The following SNX4 variants were observed in gnomAD, a reference collection of about 807,000 sequenced individuals.
The protein encoded by SNX4 is sorting nexin-4.
A neutral mutation model predicts 70.8 loss-of-function variants in SNX4; 49 were observed. That is an observed-to-expected ratio of 0.69 (90% CI 0.55 to 0.88). The LOEUF is 0.88. Ranked by LOEUF, SNX4 falls within the 40% of genes least tolerant of loss-of-function variation. The probability of loss-of-function intolerance (pLI) is 0.00; values close to 1 mark genes in which losing one functional copy is unlikely to be tolerated. For synonymous variants in SNX4, 206 were observed against 183.8 expected (o/e 1.12, Z -0.98); for missense variants, 528 against 544.8 (o/e 0.97, Z 0.31).
At chr3:125,454,838 AT>A (rs979548077) in intron 11 of SNX4, among the ~76,000 whole-genome samples, 6 of 152,202 alleles carry the variant, frequency 3.9e-5, no homozygotes, top group African/African-American at 1.4e-4. Flanking sequence ...ATGAGTTTTT[AT>A]TTATTTTTAC....
chr3:125,447,626 A>T lies in SNX4; in HGVS notation c.*153T>A. 1.9e-6 allele frequency: 1 copy of T among 538,194 alleles called. No individual in the cohort carries two copies. 33.3% of individuals were successfully genotyped at this position (538,194 alleles called of 1,614,324 possible). On this transcript the variant is annotated 3_prime_UTR_variant, in exon 14 of 14. Coordinates refer to ENST00000251775, the MANE Select transcript of SNX4 (RefSeq NM_003794.4). Reference sequence around the variant, plus strand: ...TTCATTAAAATATATTTTTTGTGCTACATTAACACGACCACAATTAAGTTA... The same window carrying T: ...TTCATTAAAATATATTTTTTGTGCTTCATTAACACGACCACAATTAAGTTA...
chr3:125,493,194 C>T (rs1934700155), intron 5 of SNX4, among the ~76,000 whole-genome samples: 1 of 152,102 alleles, frequency 6.6e-6, no homozygotes, highest in African/African-American at 2.4e-5. Flanking sequence ...AGTGATCCTC[C>T]TGCCTCAGCT....
At chr3:125,451,224 T>A (rs971638472) in intron 13 of SNX4, 81 bp downstream of exon 13, 19 of 712,066 alleles carry the variant, frequency 2.7e-5, no homozygotes, top group African/African-American at 7.3e-5. Context: ...AAATGAAAAA[T>A]TTTTTGGTCA....
chr3:125,451,537 G>A, intron 12 of SNX4, 118 bp from the exon 13 acceptor site: 1 of 651,010 alleles, frequency 1.5e-6, no homozygotes, highest in East Asian at 2.7e-5. Flanking sequence ...AAGAGTTATT[G>A]CTTGTATAAG....
chr3:125,492,023 G>A (rs1330748224), intron 5 of SNX4, among the ~76,000 whole-genome samples: 1 of 143,744 alleles, frequency 7.0e-6, no homozygotes, highest in Admixed American at 7.3e-5. Context: ...CAGGAGAATC[G>A]CTTGAACCCG....
At chr3:125,470,643 G>T (rs1338343372) in intron 8 of SNX4, among the ~76,000 whole-genome samples, 5 of 151,756 alleles carry the variant, frequency 3.3e-5, no homozygotes, top group African/African-American at 1.2e-4. Context: ...TTAAAAAAAA[G>T]AAAAGACTCC....
chr3:125,518,686 G>A (rs1218891109), intron 1 of SNX4, among the ~76,000 whole-genome samples: 3 of 152,166 alleles, frequency 2.0e-5, no homozygotes, highest in South Asian at 2.1e-4. Flanking sequence ...GGGTAACATG[G>A]TGAAAACCCA....
At chr3:125,497,778 T>C (rs1934829395) in intron 4 of SNX4, 56 bp downstream of exon 4, 1 of 1,285,832 alleles carries the variant, frequency 7.8e-7, no homozygotes, top group Admixed American at 2.6e-5. Flanking sequence ...CTACAATTTT[T>C]TTAAGAAACC....
At chr3:125,488,737 AT>A (rs1301377002) in intron 6 of SNX4, among the ~76,000 whole-genome samples, 12 of 152,220 alleles carry the variant, frequency 7.9e-5, no homozygotes, top group Admixed American at 2.6e-4. Flanking sequence ...GATCTCATAA[AT>A]TTGGTCCTCC....
At chr3:125,451,035 G>C (rs570537891) in intron 13 of SNX4, among the ~76,000 whole-genome samples, 9 of 152,162 alleles carry the variant, frequency 5.9e-5, no homozygotes, top group Non-Finnish European at 1.3e-4. Flanking sequence ...GGAGGCCGAG[G>C]CAGGAGGACT....
At chr3:125,470,398 T>C (rs1024422711) in intron 8 of SNX4, among the ~76,000 whole-genome samples, 21 of 151,802 alleles carry the variant, frequency 1.4e-4, no homozygotes, top group Admixed American at 6.6e-5. Context: ...GAATGTATAA[T>C]AATCATCTTC....
chr3:125,516,980 GCTGGT>G (rs1935296537), intron 1 of SNX4: 1 of 145,424 alleles, frequency 6.9e-6, no homozygotes, highest in Admixed American at 6.9e-5. Flanking sequence ...TACAACTTAG[GCTGGT>G]CTGAAGATAG....
chr3:125,453,973 C>T lies in SNX4; in HGVS notation c.1045-18G>A. 6.2e-7 allele frequency: 1 copy of T among 1,607,190 alleles called. No individual in the cohort carries two copies. The highest frequency in any genetic ancestry group is 8.5e-7 in the Non-Finnish European group (1 of 1,177,010). The stretch of plus-strand genomic sequence containing the variant: ...CTCACAGTCTAAAAGGAAACAGAAA[C>T]AGATGAATGGATAAACAAAATGCGG... On this transcript the variant is annotated intron_variant, in intron 11 of 13. Coordinates refer to ENST00000251775, the MANE Select transcript of SNX4 (RefSeq NM_003794.4).
chr3:125,451,275 A>C, intron 13 of SNX4, 30 bp downstream of exon 13: 1 of 1,480,454 alleles, frequency 6.8e-7, no homozygotes, highest in Non-Finnish European at 9.4e-7. Context: ...GAATATACAT[A>C]TATCTTCACT....
At chr3:125,455,740 G>A (rs1398606293) in intron 11 of SNX4, among the ~76,000 whole-genome samples, 7 of 152,142 alleles carry the variant, frequency 4.6e-5, no homozygotes, top group East Asian at 1.9e-4. Flanking sequence ...TTGGCCAGGC[G>A]CGCTGGCTCA....
At position 125,501,771 on chromosome 3, in the gene SNX4, T is replaced by C. The variant is rs368482331; in HGVS notation, c.263+2852A>G. On this transcript the variant is annotated intron_variant, in intron 2 of 13. Transcript: ENST00000251775. ...AACATGTTTTTAAGTATAAAATCCA[T>C]GTTTTAAAATAAATTTATATTGAAA... 1.5e-4 allele frequency among the ~76,000 whole-genome samples: 23 copies of C among 152,346 alleles called. 1 individual carries two copies. In the South Asian group the frequency reaches 2.7e-3, roughly 18 times the overall value.
chr3:125,469,234 C>T (rs976819594), intron 9 of SNX4, among the ~76,000 whole-genome samples: 1 of 152,058 alleles, frequency 6.6e-6, no homozygotes, highest in African/African-American at 2.4e-5. Flanking sequence ...ATGAACATAC[C>T]TTCAATGTTT....
chr3:125,492,589 C>A (rs1934686783), intron 5 of SNX4, among the ~76,000 whole-genome samples: 1 of 152,176 alleles, frequency 6.6e-6, no homozygotes, highest in Admixed American at 6.5e-5. Context: ...TCCCTGCTGT[C>A]ATATTCCCCA....
At position 125,510,583 on chromosome 3, in the gene SNX4, T is replaced by C. The variant is rs149625684; in HGVS notation, c.142-5839A>G. On this transcript the variant is annotated intron_variant, in intron 1 of 13. Transcript: ENST00000251775. The stretch of plus-strand genomic sequence containing the variant: ...CAAACAATGGAATACCATTCATCCT[T>C]AAAAAGGAAGGAAATTCTGTCATAT... 6.0e-3 allele frequency among the ~76,000 whole-genome samples: 916 copies of C among 152,256 alleles called. 4 individuals are homozygous for C. The highest frequency in any genetic ancestry group is 0.011 in the Non-Finnish European group (720 of 68,018).
Sources: gnomAD v4.1 joint callset for allele counts (sites outside exome capture counted in the v4.1 genomes callset) on GRCh38, gnomAD v4.1.1 for gene constraint, MANE v1.5 for transcripts, NCBI Gene and HGNC (gene_info 2026-07-23, HGNC 2026-07-21) for gene names.